Variants in AGBL1 observed in about 807,000 individuals in gnomAD.
AGBL1 encodes AGBL carboxypeptidase 1.
AGBL1 carries 130 observed loss-of-function variants against 118.9 expected under a neutral mutation model. That is an observed-to-expected ratio of 1.09 (90% confidence interval 0.95 to 1.26). AGBL1 has a LOEUF of 1.26. Among genes scored for constraint, AGBL1 ranks in the 50% most tolerant of loss-of-function variants. The pLI, the probability that AGBL1 is intolerant of heterozygous loss-of-function variation, is 0.00. For synonymous variants in AGBL1, 555 were observed against 478.9 expected (o/e 1.16, Z -2.08); for missense variants, 1,584 against 1,298.1 (o/e 1.22, Z -3.38).
intron 18 of AGBL1, among the ~76,000 whole-genome samples, chr15:86,407,053 G>T (rs1465167004): frequency 2.0e-5 from 3 of 152,084 alleles, no homozygotes; most frequent in Admixed American, 6.6e-5. Flanking sequence ...TATATTCCTT[G>T]TACTAATGGA....
intron 23 of AGBL1, among the ~76,000 whole-genome samples, chr15:86,925,170 A>AGGAGGAGGAGGAGGAAGAGGAG (rs1463207680): frequency 2.3e-4 from 1 of 4,258 alleles, no homozygotes; most frequent in African/African-American, 5.6e-4. Flanking sequence ...AGGAGGAGGA[A>AGGAGGAGGAGGAGGAAGAGGAG]GAGGAAGAGG....
intron 17 of AGBL1, among the ~76,000 whole-genome samples, chr15:86,321,718 A>G (rs917809488): frequency 6.6e-6 from 1 of 151,986 alleles, no homozygotes; most frequent in African/African-American, 2.4e-5. Context: ...TGAAGCCTGC[A>G]GTTAGCTAAA....
At chr15:86,196,018 A>G (rs923667800) in intron 5 of AGBL1, among the ~76,000 whole-genome samples, 2 of 152,200 alleles carry the variant, frequency 1.3e-5, no homozygotes, top group Non-Finnish European at 2.9e-5. Flanking sequence ...TTCAAATGCC[A>G]TAAGACATTT....
At chr15:86,147,602 G>A (rs550751845) in intron 3 of AGBL1, among the ~76,000 whole-genome samples, 38 of 152,258 alleles carry the variant, frequency 2.5e-4, no homozygotes, top group Non-Finnish European at 4.3e-4. Flanking sequence ...AAACAAAGCC[G>A]GGAAGCTCCA....
chr15:86,422,256 C>A (rs1385791254), intron 18 of AGBL1, among the ~76,000 whole-genome samples: 9 of 152,152 alleles, frequency 5.9e-5, no homozygotes, highest in Admixed American at 5.9e-4. Flanking sequence ...TCTCTCAGAC[C>A]AAAGTGCAAT....
intron 18 of AGBL1, among the ~76,000 whole-genome samples, chr15:86,502,793 C>G (rs546036874): frequency 4.6e-5 from 7 of 151,388 alleles, no homozygotes; most frequent in African/African-American, 1.7e-4. Context: ...CATATATAAT[C>G]TTTTTTATAA....
intron 1 of AGBL1, among the ~76,000 whole-genome samples, chr15:86,108,224 T>C (rs1897163078): frequency 6.6e-6 from 1 of 152,258 alleles, no homozygotes; most frequent in Non-Finnish European, 1.5e-5. Context: ...TAAGTTTACA[T>C]ACTTCACATA....
intron 1 of AGBL1, among the ~76,000 whole-genome samples, chr15:86,114,661 G>A (rs563690964): frequency 9.9e-5 from 15 of 152,244 alleles, no homozygotes; most frequent in African/African-American, 3.6e-4. Flanking sequence ...TATGAATCCT[G>A]TTGAAGTTGT....
At chr15:86,540,925 T>C (rs905432527) in intron 19 of AGBL1, among the ~76,000 whole-genome samples, 1 of 152,184 alleles carries the variant, frequency 6.6e-6, no homozygotes, top group African/African-American at 2.4e-5. Context: ...AATTTGTCGT[T>C]TACTTCCTTT....
intron 17 of AGBL1, among the ~76,000 whole-genome samples, chr15:86,390,424 A>T (rs1434494879): frequency 2.0e-5 from 3 of 152,156 alleles, no homozygotes; most frequent in African/African-American, 7.2e-5. Flanking sequence ...CATTGTACCC[A>T]ACAACATTCT....
chr15:86,749,083 T>A (rs2077805441), intron 22 of AGBL1, among the ~76,000 whole-genome samples: 1 of 151,998 alleles, frequency 6.6e-6, no homozygotes, highest in South Asian at 2.1e-4. Context: ...GGGATTGAAT[T>A]TATAAATTAC....
At chr15:86,582,255 C>A (rs1196071202) in intron 21 of AGBL1, among the ~76,000 whole-genome samples, 1 of 152,122 alleles carries the variant, frequency 6.6e-6, no homozygotes, top group Non-Finnish European at 1.5e-5. Flanking sequence ...GCTGAAAAAT[C>A]AAAAGAAAGA....
intron 17 of AGBL1, among the ~76,000 whole-genome samples, chr15:86,335,112 A>T (rs2080342032): frequency 6.6e-6 from 1 of 151,792 alleles, no homozygotes; most frequent in African/African-American, 2.4e-5. Flanking sequence ...CAGAAGAAAG[A>T]CTGAGAGACA....
chr15:86,455,330 G>A (rs1261786370), intron 18 of AGBL1, among the ~76,000 whole-genome samples: 1 of 152,018 alleles, frequency 6.6e-6, no homozygotes, highest in Non-Finnish European at 1.5e-5. Context: ...AATAAGCCAG[G>A]GTCAGAGAAG....
rs542548771 is a variant in AGBL1 at position 86,306,919 on chromosome 15, A to G, written c.2374+11511A>G. ...ATTTGCATTTATCTGATGATCACTGATGTTGAGCACCTTTTCATGTACCTG... is the reference window on the plus strand; with the variant it reads ...ATTTGCATTTATCTGATGATCACTGGTGTTGAGCACCTTTTCATGTACCTG... On this transcript the variant is annotated intron_variant, in intron 17 of 22. Coordinates refer to ENST00000614907, the MANE Select transcript of AGBL1 (RefSeq NM_001386094.1). Among the ~76,000 whole-genome samples, 5 of 152,308 alleles carry G rather than the reference A, an allele frequency of 3.3e-5. No individual in the cohort carries two copies. The South Asian group carries it at 1.0e-3, about 32-fold the overall frequency.
rs1010607115 is a variant in AGBL1, at chr15:86,521,458, T to C, written c.2556-1352T>C. Among the ~76,000 whole-genome samples the C allele has an allele frequency of 1.1e-4, 17 of 152,218 alleles. 1 individual carries two copies. In the South Asian group the frequency reaches 3.3e-3, roughly 30 times the overall value. On this transcript the variant is annotated intron_variant, in intron 18 of 22. Coordinates refer to ENST00000614907, the MANE Select transcript of AGBL1 (RefSeq NM_001386094.1). ...TGCCCCCAGGAGGCTCCTAGTCTAA[T>C]TGGGAAGTCAAGAGAAATAAAAATA...
intron 24 of AGBL1, among the ~76,000 whole-genome samples, chr15:86,997,733 A>G (rs1255107976): frequency 2.0e-5 from 3 of 152,148 alleles, no homozygotes; most frequent in East Asian, 1.9e-4. Flanking sequence ...ATGTTTGTAA[A>G]GCCCACATTC....
chr15:86,267,315 A>T (rs1244153061), intron 13 of AGBL1, among the ~76,000 whole-genome samples: 1 of 115,146 alleles, frequency 8.7e-6, no homozygotes, highest in Non-Finnish European at 1.9e-5. Flanking sequence ...AGCTACACTG[A>T]TATCATAGCT....
At chr15:86,856,129 A>G (rs1429614946) in intron 22 of AGBL1, among the ~76,000 whole-genome samples, 1 of 152,220 alleles carries the variant, frequency 6.6e-6, no homozygotes, top group Non-Finnish European at 1.5e-5. Flanking sequence ...GACAGCAGGC[A>G]GGCCGACTGT....
Sources: gnomAD v4.1 joint callset for allele counts (sites outside exome capture counted in the v4.1 genomes callset) on GRCh38, gnomAD v4.1.1 for gene constraint, MANE v1.5 for transcripts, NCBI Gene and HGNC (gene_info 2026-07-23, HGNC 2026-07-21) for gene names.